PKM: variants seen among roughly 807,000 people sequenced by gnomAD.
PKM encodes pyruvate kinase M1/2.
In PKM, 18 loss-of-function variants were observed where a neutral mutation model predicts 49.8. The ratio of observed to expected loss-of-function variants is 0.36; its 90% CI spans 0.25 to 0.54. The LOEUF (loss-of-function observed/expected upper bound fraction) is 0.54, where lower values mean the gene tolerates loss of function less well. Ranked by LOEUF, PKM falls within the 20% of genes least tolerant of loss-of-function variation. The pLI is 0.89. For missense variants in PKM, 508 were observed against 713.8 expected (o/e 0.71, Z 3.28); for synonymous variants, 239 against 261.8 (o/e 0.91, Z 0.84).
intron 8 of PKM, among the ~76,000 whole-genome samples, chr15:72,205,643 T>C (rs1235005697): frequency 6.7e-6 from 1 of 150,204 alleles, no homozygotes; most frequent in Admixed American, 6.6e-5. Flanking sequence ...TTTTTTTTTT[T>C]TTTCTGTTTT....
At chr15:72,218,425 C>T (rs189070240) in intron 2 of PKM, among the ~76,000 whole-genome samples, 242 of 151,966 alleles carry the variant, frequency 1.6e-3, no homozygotes, top group Admixed American at 5.2e-3. Flanking sequence ...TGCGCCCGGA[C>T]AATTTTTTTT....
chr15:72,209,193 G>A (rs558262990), intron 5 of PKM, among the ~76,000 whole-genome samples: 9 of 151,700 alleles, frequency 5.9e-5, no homozygotes, highest in African/African-American at 1.2e-4. Flanking sequence ...ATGGCAAAAC[G>A]CCATCTCTAC....
intron 3 of PKM, among the ~76,000 whole-genome samples, chr15:72,213,059 A>C (rs1369010440): frequency 6.6e-6 from 1 of 151,966 alleles, no homozygotes; most frequent in Non-Finnish European, 1.5e-5. Context: ...TGGGTGACAG[A>C]GCGAGACTCC....
rs547011530 is a variant in PKM at position 72,200,366 on chromosome 15, G to A, written c.1489+108C>T. The A allele has an allele frequency of 1.0e-6, 1 of 975,114 alleles. No individual in the cohort carries two copies. Among genetic ancestry groups the A allele is most frequent in the South Asian group, 1.3e-5 (1 of 74,090 alleles). The allele number at this position is 975,114 out of a possible 1,614,324, so 60.4% of individuals were successfully genotyped here. On this transcript the variant is annotated intron_variant, in intron 10 of 10. Transcript: ENST00000335181. This position sits in a 1 kb window ranked among gnomAD's most constrained non-coding sequence, Gnocchi z 4.6. Reference sequence around the variant, plus strand: ...TCGCTGGGCCTTTTGCCCCACTAAGGTCTGTGTGTTCCCCTTTCTATTCCC... The same window carrying A: ...TCGCTGGGCCTTTTGCCCCACTAAGATCTGTGTGTTCCCCTTTCTATTCCC...
At chr15:72,221,346 T>A in intron 1 of PKM, 1 of 962,150 alleles carries the variant, frequency 1.0e-6, no homozygotes, top group Non-Finnish European at 1.6e-6. Flanking sequence ...ATGGAAAAAT[T>A]ACCTTAATAA....
chr15:72,200,622 A>G lies in PKM; in HGVS notation c.1341T>C (p.Arg447=), dbSNP rs1172539720. 6.2e-7 allele frequency: 1 copy of G among 1,613,380 alleles called. No individual in the cohort carries two copies. The highest frequency in any genetic ancestry group is 2.2e-5 in the East Asian group (1 of 44,838). The change falls in exon 10 of 11, where the codon CGT becomes CGC. Residue 447 remains arginine (R), a synonymous_variant. Coordinates refer to ENST00000335181, the MANE Select transcript of PKM (RefSeq NM_002654.6). This position sits in a 1 kb window ranked among gnomAD's most constrained non-coding sequence, Gnocchi z 4.6. ...TCCGGGTCACAGCAATGATGGGGGC[A>G]CGTGGGCGGTATCTGGCCACCTGGT... ...SAHQVARYRP[R]APIIAVTRNP... is the part of the protein sequence containing the mutation.
At position 72,200,635 on chromosome 15, in the gene PKM, C is replaced by G; in HGVS notation, c.1328G>C (p.Arg443Thr). The G allele has an allele frequency of 6.2e-7, 1 of 1,612,930 alleles. No individual in the cohort carries two copies. Among genetic ancestry groups the G allele is most frequent in the Non-Finnish European group, 8.5e-7 (1 of 1,179,166 alleles). ...KSGRSAHQVA[R>T]YRPRAPIIAV... ...AATGATGGGGGCACGTGGGCGGTATCTGGCCACCTGGTGAGCAGACCTGAG... is the reference window on the plus strand; with the variant it reads ...AATGATGGGGGCACGTGGGCGGTATGTGGCCACCTGGTGAGCAGACCTGAG... The change falls in exon 10 of 11, where the codon AGA (arginine) becomes ACA (threonine). Residue 443 changes from arginine to threonine, a missense_variant. Coordinates refer to ENST00000335181, the MANE Select transcript of PKM (RefSeq NM_002654.6). This position sits in a 1 kb window ranked among gnomAD's most constrained non-coding sequence, Gnocchi z 4.6.
intron 8 of PKM, 131 bp downstream of exon 8, chr15:72,206,597 C>T: frequency 1.1e-6 from 1 of 908,818 alleles, no homozygotes; most frequent in Non-Finnish European, 1.7e-6. Context: ...CCTCTTGCTG[C>T]TGTAACTTGG....
At chr15:72,213,719 C>T (rs2082311015) in intron 3 of PKM, among the ~76,000 whole-genome samples, 2 of 152,228 alleles carry the variant, frequency 1.3e-5, no homozygotes, top group African/African-American at 4.8e-5. Context: ...GTGTGAGCCA[C>T]CGCACGCCCA....
intron 1 of PKM, among the ~76,000 whole-genome samples, chr15:72,229,244 A>G (rs1040104893): frequency 1.3e-5 from 2 of 152,172 alleles, no homozygotes; most frequent in African/African-American, 2.4e-5. Context: ...TCTTCTGGGT[A>G]TTTCGCCAGA....
At chr15:72,214,266 T>G (rs1426142521) in intron 3 of PKM, among the ~76,000 whole-genome samples, 1 of 152,228 alleles carries the variant, frequency 6.6e-6, no homozygotes, top group Non-Finnish European at 1.5e-5. Flanking sequence ...TTTGTAACCA[T>G]GAGTGTTTCA....
chr15:72,221,072 C>T, intron 1 of PKM: 1 of 747,396 alleles, frequency 1.3e-6, no homozygotes, highest in Admixed American at 2.0e-5. Flanking sequence ...ACTAATTCCA[C>T]TCTTTTTAAA....
In PKM at chr15:72,202,281, G is replaced by A. The variant is rs1596719359; in HGVS notation, c.1307+173C>T. On this transcript the variant is annotated intron_variant, in intron 9 of 10. Transcript: ENST00000335181. The surrounding 1 kb of genome is among the most constrained non-coding windows in gnomAD (Gnocchi z 4.5). ...TTATGAGTGCTACCTAGAGTCCTTT[G>A]GGCCCAGGGAAGGGGCTCTGCTCAA... The A allele has an allele frequency of 1.5e-6, 1 of 667,570 alleles. No individual in the cohort carries two copies. The highest frequency in any genetic ancestry group is 2.7e-5 in the East Asian group (1 of 36,628). 41.4% of individuals were successfully genotyped at this position (667,570 alleles called of 1,614,324 possible). A position where few individuals can be genotyped will look rare whatever the true frequency, so the allele number is the denominator to read the frequency against.
intron 1 of PKM, among the ~76,000 whole-genome samples, chr15:72,230,417 G>A (rs997033586): frequency 3.3e-5 from 5 of 152,362 alleles, no homozygotes; most frequent in East Asian, 1.9e-4. Context: ...ATGGAAAAGG[G>A]GGGTGGGACC....
rs1391616427 is a variant in PKM at position 72,230,779 on chromosome 15, C to A, written c.-14+337G>T. 6 of 418,924 alleles carry A rather than the reference C, an allele frequency of 1.4e-5. No individual in the cohort carries two copies. In the East Asian group the frequency reaches 4.6e-4, roughly 32 times the overall value. The allele number at this position is 418,924 out of a possible 1,614,324, so 26.0% of individuals were successfully genotyped here. ...AAGGGGAAGCAAGGGTGGAATCAAT[C>A]ACGAGGGACCGAGAGAAGGCAGGCG... On this transcript the variant is annotated intron_variant, in intron 1 of 10. Transcript: ENST00000335181.
At chr15:72,207,530 G>A (rs2082117136) in intron 6 of PKM, among the ~76,000 whole-genome samples, 3 of 152,152 alleles carry the variant, frequency 2.0e-5, no homozygotes, top group Admixed American at 2.0e-4. Flanking sequence ...AAGGGGAGAG[G>A]GCAAATCCAA....
Position 72,219,072 on chromosome 15 carries a change from C to G in PKM, c.26G>C (p.Gly9Ala). Residue 9 changes from glycine (G) to alanine (A), a missense_variant, in exon 2 of 11, where the codon GGG (glycine) becomes GCG (alanine). Physicochemically the swap from Gly to Ala is moderately conservative, Grantham distance 60 (BLOSUM62 0). Coordinates refer to ENST00000335181, the MANE Select transcript of PKM (RefSeq NM_002654.6). Reference sequence around the variant, plus strand: ...CTGCTGGGTCTGAATGAAGGCAGTCCCGGCTTCACTATGGGGCTTCGACAT... The same window carrying G: ...CTGCTGGGTCTGAATGAAGGCAGTCGCGGCTTCACTATGGGGCTTCGACAT... The part of the protein sequence containing the change: MSKPHSEA[G>A]TAFIQTQQLH... 6.2e-7 allele frequency: 1 copy of G among 1,614,094 alleles called. No individual in the cohort carries two copies. Among genetic ancestry groups the G allele is most frequent in the Non-Finnish European group, 8.5e-7 (1 of 1,179,998 alleles).
intron 4 of PKM, 160 bp from the exon 5 acceptor site, chr15:72,210,019 C>T (rs1482553977): frequency 8.6e-6 from 6 of 694,028 alleles, no homozygotes; most frequent in Non-Finnish European, 1.6e-5. Context: ...GTATACTTCA[C>T]GGAAATAATC....
rs149675641 is a variant in PKM, at chr15:72,230,997, C to T, written c.-14+119G>A. 8,142 of 1,272,622 alleles carry T rather than the reference C, an allele frequency of 6.4e-3. 39 individuals are homozygous for T. Among genetic ancestry groups the T allele is most frequent in the Non-Finnish European group, 7.7e-3 (7,516 of 975,602 alleles). The allele number at this position is 1,272,622 out of a possible 1,614,324, so 78.8% of individuals were successfully genotyped here. On this transcript the variant is annotated intron_variant, in intron 1 of 10. Coordinates refer to ENST00000335181, the MANE Select transcript of PKM (RefSeq NM_002654.6). Reference sequence around the variant, plus strand: ...CTGAGCTCCACTGCATCCCAGACGCCCTGGATCCTGCGCCGCCCTGCCTGC... The same window carrying T: ...CTGAGCTCCACTGCATCCCAGACGCTCTGGATCCTGCGCCGCCCTGCCTGC...
Sources: gnomAD v4.1 joint callset for allele counts (sites outside exome capture counted in the v4.1 genomes callset) on GRCh38, gnomAD v4.1.1 for gene constraint, Gnocchi (gnomAD v3.1) non-coding constraint, MANE v1.5 for transcripts, NCBI Gene and HGNC (gene_info 2026-07-23, HGNC 2026-07-21) for gene names.